Variants in ABCG8 observed in about 807,000 individuals in gnomAD.
ABCG8 encodes the protein ATP binding cassette subfamily G member 8, also known as ATP-binding cassette sub-family G member 8.
In ABCG8, 81 loss-of-function variants were observed where a neutral mutation model predicts 71.3. The observed-to-expected ratio is 1.14, with a 90% CI of 0.95 to 1.37. The LOEUF is 1.37. Among genes scored for constraint, ABCG8 ranks in the 40% most tolerant of loss-of-function variants. The pLI is 0.00. For synonymous variants in ABCG8, 451 were observed against 354.7 expected, an observed-to-expected ratio of 1.27 and a Z score of -3.05; for missense variants, 1,119 against 866.2, an observed-to-expected ratio of 1.29 and a Z score of -3.66.
At chr2:43,841,536 C>A (rs1325147313) in intron 1 of ABCG8, among the ~76,000 whole-genome samples, 1 of 152,168 alleles carries the variant, frequency 6.6e-6, no homozygotes, top group Non-Finnish European at 1.5e-5. Flanking sequence ...AGGTCGTCCC[C>A]AACCCAGGCA....
At chr2:43,851,007 G>A (rs1031435628) in intron 3 of ABCG8, among the ~76,000 whole-genome samples, 1 of 151,966 alleles carries the variant, frequency 6.6e-6, no homozygotes, top group Non-Finnish European at 1.5e-5. Context: ...CTGTGCTGTA[G>A]TTTTAAATTG....
At position 43,878,346 on chromosome 2, in the gene ABCG8, G is replaced by A. The variant is rs1670029970; in HGVS notation, c.*433G>A. Reference sequence around the variant, plus strand: ...TTCCAGGGGCCCCACACTCCGTGGTGAGCCACCATCAATACAGAAAGTGAC... The same window carrying A: ...TTCCAGGGGCCCCACACTCCGTGGTAAGCCACCATCAATACAGAAAGTGAC... On this transcript the variant is annotated 3_prime_UTR_variant, in exon 13 of 13. Transcript: ENST00000272286. 1.4e-5 allele frequency: 4 copies of A among 294,706 alleles called. No individual in the cohort carries two copies. In the South Asian group the frequency reaches 1.4e-4, roughly 10 times the overall value. 18.3% of individuals were successfully genotyped at this position (294,706 alleles called of 1,614,324 possible).
At chr2:43,875,476 G>T (rs1428048760) in intron 11 of ABCG8, 63 bp downstream of exon 11, 6 of 1,568,892 alleles carry the variant, frequency 3.8e-6, no homozygotes, top group Non-Finnish European at 4.3e-6. Flanking sequence ...GATGAAGCCT[G>T]CTTTCATCTG....
chr2:43,873,710 T>C lies in ABCG8; in HGVS notation c.1212-77T>C, dbSNP rs4245794. On this transcript the variant is annotated intron_variant, in intron 8 of 12. Transcript: ENST00000272286. ...TTGCATAGGAGAAAAATGAGGCTTA[T>C]GGAGACTGTGACATTCCCAGGGTCA... 168,525 of 1,464,428 alleles carry C rather than the reference T, an allele frequency of 0.12. 10,543 individuals carry two copies. Among genetic ancestry groups the C allele is most frequent in the Middle Eastern group, 0.19 (859 of 4,588 alleles). 90.7% of individuals were successfully genotyped at this position (1,464,428 alleles called of 1,614,324 possible). A position where few individuals can be genotyped will look rare whatever the true frequency, so the allele number is the denominator to read the frequency against.
Position 43,882,352 on chromosome 2 carries a change from G to C in ABCG8, c.*4439G>C, listed in dbSNP as rs1221115931. On this transcript the variant is annotated 3_prime_UTR_variant, in exon 13 of 13. Transcript: ENST00000272286. ...CAAGTGTTAACAGACCTGGGACCAG[G>C]GGTTCCTCATAGTGGCTTAGCACAG... 6.6e-6 allele frequency: 1 copy of C among 152,162 alleles called. No homozygotes were observed. Among genetic ancestry groups the C allele is most frequent in the Non-Finnish European group, 1.5e-5 (1 of 68,036 alleles). The allele number at this position is 152,162 out of a possible 1,614,324, so 9.4% of individuals were successfully genotyped here. A position where few individuals can be genotyped will look rare whatever the true frequency, so the allele number is the denominator to read the frequency against.
At chr2:43,860,210 T>C (rs1196526696) in intron 6 of ABCG8, among the ~76,000 whole-genome samples, 2 of 151,548 alleles carry the variant, frequency 1.3e-5, no homozygotes, top group Admixed American at 6.6e-5. Context: ...TCTCACCATC[T>C]GGATAAAACT....
rs574933503 is a variant in ABCG8, at chr2:43,872,148, C to T, written c.1127+10C>T. 8.1e-6 allele frequency: 13 copies of T among 1,613,978 alleles called. No individual in the cohort carries two copies. Among genetic ancestry groups the T allele is most frequent in the Non-Finnish European group, 1.1e-5 (13 of 1,180,046 alleles). ...ACACCTGTGTGGAAAGGTAAGGTGG[C>T]AGGCGACTCTGAGAGGAGAGCTCCC... On this transcript the variant is annotated intron_variant, in intron 7 of 12. Coordinates refer to ENST00000272286, the MANE Select transcript of ABCG8 (RefSeq NM_022437.3).
rs754617407 is a variant in ABCG8 at position 43,846,329 on chromosome 2, C to T, written c.322+18C>T. On this transcript the variant is annotated intron_variant, in intron 3 of 12. Coordinates refer to ENST00000272286, the MANE Select transcript of ABCG8 (RefSeq NM_022437.3). ...GAGCTCAGGTACCGGAAAGGCAAAT[C>T]GCTGGGCAATGGTTTCTCTCCTGGG... 8.7e-6 allele frequency: 14 copies of T among 1,613,868 alleles called. No homozygotes were observed. Among genetic ancestry groups the T allele is most frequent in the East Asian group, 2.2e-5 (1 of 44,898 alleles).
At position 43,846,316 on chromosome 2, in the gene ABCG8, C is replaced by A. The variant is rs377340438; in HGVS notation, c.322+5C>A. 2 of 1,614,068 alleles carry A rather than the reference C, an allele frequency of 1.2e-6. No homozygotes were observed. Among genetic ancestry groups the A allele is most frequent in the South Asian group, 2.2e-5 (2 of 91,056 alleles). ...TGGCCATCATAGGGAGCTCAGGTAC[C>A]GGAAAGGCAAATCGCTGGGCAATGG... is the stretch of plus-strand genomic sequence containing the variant. On this transcript the variant is annotated splice_donor_5th_base_variant and intron_variant, in intron 3 of 12. Transcript: ENST00000272286.
chr2:43,860,599 C>G (rs984056110), intron 6 of ABCG8, among the ~76,000 whole-genome samples: 1 of 151,420 alleles, frequency 6.6e-6, no homozygotes, highest in African/African-American at 2.4e-5. Context: ...AGAACTCTCA[C>G]TGTCTATCTC....
At chr2:43,854,128 T>G (rs1054796323) in intron 6 of ABCG8, among the ~76,000 whole-genome samples, 1 of 152,200 alleles carries the variant, frequency 6.6e-6, no homozygotes, top group Non-Finnish European at 1.5e-5. Flanking sequence ...AAACTCTTTT[T>G]TACATTTTAT....
chr2:43,864,631 T>C (rs1669455806), intron 6 of ABCG8, among the ~76,000 whole-genome samples: 1 of 151,840 alleles, frequency 6.6e-6, no homozygotes, highest in African/African-American at 2.4e-5. Context: ...ATTCTCACTA[T>C]GTGGATAGAG....
chr2:43,840,341 C>G (rs937565101), intron 1 of ABCG8, among the ~76,000 whole-genome samples: 1 of 152,192 alleles, frequency 6.6e-6, no homozygotes, highest in Non-Finnish European at 1.5e-5. Context: ...ATGTTTAAAG[C>G]CTGAATAGAA....
chr2:43,875,197 C>A lies in ABCG8; in HGVS notation c.1540C>A (p.Pro514Thr). The A allele has an allele frequency of 6.2e-7, 1 of 1,614,218 alleles. No homozygotes were observed. The highest frequency in any genetic ancestry group is 8.5e-7 in the Non-Finnish European group (1 of 1,180,034). ...HCAYIIIYGM[P>T]TYWLANLRPG... The stretch of plus-strand genomic sequence containing the variant: ...TGCCTACATCATCATCTACGGGATG[C>A]CCACCTACTGGCTGGCCAACCTGAG... The change falls in exon 11 of 13, where the codon CCC becomes ACC. Residue 514 changes from proline (P) to threonine (T), a missense_variant. Transcript: ENST00000272286.
At position 43,852,332 on chromosome 2, in the gene ABCG8, C is replaced by T. The variant is rs1668946679; in HGVS notation, c.562-22C>T. 3 of 1,612,042 alleles carry T rather than the reference C, an allele frequency of 1.9e-6. No individual in the cohort carries two copies. In the South Asian group the frequency reaches 3.3e-5, roughly 18 times the overall value. On this transcript the variant is annotated intron_variant, in intron 4 of 12. Transcript: ENST00000272286. Reference sequence around the variant, plus strand: ...CTGAAGGAGGCCCCTGAGGTGGCCTCAAAGCTCCTTCTGGCCCACAGGTGG... The same window carrying T: ...CTGAAGGAGGCCCCTGAGGTGGCCTTAAAGCTCCTTCTGGCCCACAGGTGG...
At chr2:43,870,494 A>G (rs933518053) in intron 6 of ABCG8, among the ~76,000 whole-genome samples, 2 of 151,650 alleles carry the variant, frequency 1.3e-5, no homozygotes, top group East Asian at 3.9e-4. Context: ...TCTGGATAGA[A>G]CTCTCACTCT....
chr2:43,874,137 C>G (rs922994299), intron 9 of ABCG8, 151 bp downstream of exon 9: 2 of 936,520 alleles, frequency 2.1e-6, no homozygotes, highest in Admixed American at 1.9e-5. Flanking sequence ...TATTAGCATA[C>G]AAATGAAAGT....
At chr2:43,876,994 T>A (rs1212713522) in intron 11 of ABCG8, among the ~76,000 whole-genome samples, 1 of 146,830 alleles carries the variant, frequency 6.8e-6, no homozygotes, top group Middle Eastern at 3.8e-3. Flanking sequence ...CATGAGAATA[T>A]AGGGAGACCA....
chr2:43,840,953 C>T (rs1420589361), intron 1 of ABCG8, among the ~76,000 whole-genome samples: 1 of 152,200 alleles, frequency 6.6e-6, no homozygotes, highest in East Asian at 1.9e-4. Context: ...GGGCCATTTG[C>T]ACAGAGAATA....
Sources: gnomAD v4.1 joint callset for allele counts (sites outside exome capture counted in the v4.1 genomes callset) on GRCh38, gnomAD v4.1.1 for gene constraint, MANE v1.5 for transcripts, NCBI Gene and HGNC (gene_info 2026-07-23, HGNC 2026-07-21) for gene names.